HMG20B: variants seen among roughly 807,000 people sequenced by gnomAD.
The protein encoded by HMG20B is high mobility group 20B.
A neutral mutation model predicts 41.6 loss-of-function variants in HMG20B; 24 were observed. The observed-to-expected ratio is 0.58, with a 90% confidence interval of 0.42 to 0.81. The LOEUF is 0.81. HMG20B is among the 30% of genes least tolerant of loss of function. The pLI, the probability that HMG20B is intolerant of heterozygous loss-of-function variation, is 0.00. For missense variants in HMG20B, 461 were observed against 444.0 expected (o/e 1.04, Z -0.34); for synonymous variants, 251 against 186.6 (o/e 1.34, Z -2.81).
Position 3,574,529 on chromosome 19 carries a change from C to G in HMG20B, c.294C>G (p.Pro98=). The part of the protein sequence containing the change: ...IRTRHPDLPF[P]EITKMLGAEW... ...CGCGCCACCCGGATCTGCCCTTTCC[C>G]GAGATCACCAAGATGCTGGGCGCCG... The change falls in exon 4 of 10, where the codon CCC becomes CCG. Residue 98 remains proline (P), a synonymous_variant. Coordinates refer to ENST00000333651, the MANE Select transcript of HMG20B (RefSeq NM_006339.3). 1 of 1,606,030 alleles carries G rather than the reference C, an allele frequency of 6.2e-7. No individual in the cohort carries two copies. The highest frequency in any genetic ancestry group is 8.5e-7 in the Non-Finnish European group (1 of 1,177,542).
At chr19:3,577,728 C>T (rs990841481) in intron 8 of HMG20B, among the ~76,000 whole-genome samples, 3 of 149,204 alleles carry the variant, frequency 2.0e-5, no homozygotes, top group Non-Finnish European at 3.0e-5. Context: ...GACCTCGTTC[C>T]CTCCGTCCGT....
At position 3,575,430 on chromosome 19, in the gene HMG20B, G is replaced by C. The variant is rs888254482; in HGVS notation, c.352-110G>C. On this transcript the variant is annotated intron_variant, in intron 4 of 9. Coordinates refer to ENST00000333651, the MANE Select transcript of HMG20B (RefSeq NM_006339.3). ...TCTGTCTGCCTGGAGGGAATAGGGA[G>C]CTATAGAAGGTTCAGGAGAGGGGAG... The C allele has an allele frequency of 6.0e-6, 9 of 1,503,034 alleles. No homozygotes were observed. The African/African-American group carries it at 9.7e-5, about 16-fold the overall frequency. 93.1% of individuals were successfully genotyped at this position (1,503,034 alleles called of 1,614,324 possible). A position where few individuals can be genotyped will look rare whatever the true frequency, so the allele number is the denominator to read the frequency against.
At chr19:3,576,497 G>C in intron 6 of HMG20B, 56 bp from the exon 7 acceptor site, 1 of 1,519,636 alleles carries the variant, frequency 6.6e-7, no homozygotes. Context: ...GGCACACCCA[G>C]AGAGCGTGGC....
At chr19:3,577,265 A>C (rs2145258164) in intron 8 of HMG20B, 158 bp downstream of exon 8, 1 of 555,916 alleles carries the variant, frequency 1.8e-6, no homozygotes, top group Non-Finnish European at 3.0e-6. Context: ...CCCCGCCCTC[A>C]TCACCCCCAG....
At chr19:3,578,154 C>T (rs2032213942) in intron 9 of HMG20B, 41 bp downstream of exon 9, 4 of 1,593,050 alleles carry the variant, frequency 2.5e-6, no homozygotes, top group African/African-American at 1.3e-5. Flanking sequence ...GGGTTCAAGG[C>T]CCGGATGTGC....
At chr19:3,574,052 G>A in intron 3 of HMG20B, 1 of 655,818 alleles carries the variant, frequency 1.5e-6, no homozygotes. Context: ...CCTTGGGGGC[G>A]GCACCCTCCC....
chr19:3,577,219 G>A, intron 8 of HMG20B, 112 bp downstream of exon 8: 2 of 752,808 alleles, frequency 2.7e-6, no homozygotes, highest in East Asian at 3.0e-5. Flanking sequence ...CCATCGCCCC[G>A]TCCCCTCTTC....
chr19:3,578,242 GC>G, intron 9 of HMG20B, 129 bp downstream of exon 9: 6 of 1,357,262 alleles, frequency 4.4e-6, no homozygotes, highest in Non-Finnish European at 6.0e-6. Flanking sequence ...TCCCGGAGGG[GC>G]CTACCTGCGG....
At chr19:3,574,715 C>CA in intron 4 of HMG20B, 129 bp downstream of exon 4, 5 of 585,498 alleles carry the variant, frequency 8.5e-6, no homozygotes, top group South Asian at 2.2e-5. Flanking sequence ...CCATAACCAA[C>CA]TTTTTTTTTT....
At chr19:3,575,097 G>C (rs1053630024) in intron 4 of HMG20B, among the ~76,000 whole-genome samples, 1 of 152,210 alleles carries the variant, frequency 6.6e-6, no homozygotes. Context: ...ATATGTCTAA[G>C]AAGTCAGGAT....
At chr19:3,574,659 G>A (rs1484255455) in intron 4 of HMG20B, 73 bp downstream of exon 4, 9 of 1,341,550 alleles carry the variant, frequency 6.7e-6, no homozygotes, top group East Asian at 2.5e-5. Context: ...GACCCCCAAA[G>A]GATTCCACGT....
chr19:3,576,893 G>C lies in HMG20B; in HGVS notation c.594G>C (p.Ala198=). ...FTEEFLDQNK[A]REAELRRLRK... is the part of the protein sequence containing the mutation. The stretch of plus-strand genomic sequence containing the variant: ...TTGACCCCGCTCCCCCCGGCGCAGC[G>C]CGTGAGGCGGAGCTTCGGCGCTTGC... Residue 198 remains alanine, a splice_region_variant and synonymous_variant, in exon 8 of 10, where the codon GCG becomes GCC. Coordinates refer to ENST00000333651, the MANE Select transcript of HMG20B (RefSeq NM_006339.3). 6.4e-7 allele frequency: 1 copy of C among 1,567,484 alleles called. No individual in the cohort carries two copies. The highest frequency in any genetic ancestry group is 8.6e-7 in the Non-Finnish European group (1 of 1,157,918).
intron 3 of HMG20B, 62 bp downstream of exon 3, chr19:3,573,862 G>A: frequency 7.1e-7 from 1 of 1,418,256 alleles, no homozygotes; most frequent in Non-Finnish European, 9.7e-7. Context: ...TCGAAGCCCC[G>A]CCCCAGGCTG....
chr19:3,577,099 C>G lies in HMG20B; in HGVS notation c.800C>G (p.Pro267Arg), dbSNP rs1182283654. ...QALTASFASL[P>R]VPGTGETPTL... ...CTCACCGCCAGCTTCGCCTCACTGC[C>G]GGTGCCGGGTGCGGGCCACGCCCAT... The change falls in exon 8 of 10, where the codon CCG becomes CGG. Residue 267 changes from proline to arginine, a missense_variant. By Grantham distance (103) the Pro-to-Arg change is moderately radical (BLOSUM62 -2). Transcript: ENST00000333651. 5 of 1,532,794 alleles carry G rather than the reference C, an allele frequency of 3.3e-6. No individual in the cohort carries two copies. The highest frequency in any genetic ancestry group is 4.0e-5 in the Admixed American group (2 of 50,516). The allele number at this position is 1,532,794 out of a possible 1,614,324, so 94.9% of individuals were successfully genotyped here. A position where few individuals can be genotyped will look rare whatever the true frequency, so the allele number is the denominator to read the frequency against.
chr19:3,578,523 G>T lies in HMG20B; in HGVS notation c.*2G>T. 6.4e-7 allele frequency: 1 copy of T among 1,571,188 alleles called. No homozygotes were observed. The highest frequency in any genetic ancestry group is 2.3e-5 in the East Asian group (1 of 42,572). On this transcript the variant is annotated 3_prime_UTR_variant, in exon 10 of 10. Coordinates refer to ENST00000333651, the MANE Select transcript of HMG20B (RefSeq NM_006339.3). ...TCTCGTTTCAGCGAGCACCTGTGAGGAGTGGGCGGGCCCACGATGCAGAGG... is the reference window on the plus strand; with the variant it reads ...TCTCGTTTCAGCGAGCACCTGTGAGTAGTGGGCGGGCCCACGATGCAGAGG...
In HMG20B at chr19:3,578,892, C is replaced by T. The variant is rs774610597; in HGVS notation, c.*371C>T. Reference sequence around the variant, plus strand: ...AAATTACTCACTACGGGGGGCTGTGCCATAGGCCACACAGGAAGCTGCCTT... The same window carrying T: ...AAATTACTCACTACGGGGGGCTGTGTCATAGGCCACACAGGAAGCTGCCTT... On this transcript the variant is annotated 3_prime_UTR_variant, in exon 10 of 10. Coordinates refer to ENST00000333651, the MANE Select transcript of HMG20B (RefSeq NM_006339.3). 3 of 517,500 alleles carry T rather than the reference C, an allele frequency of 5.8e-6. 1 individual carries two copies. The highest frequency in any genetic ancestry group is 3.1e-5 in the South Asian group (2 of 64,888). The allele number at this position is 517,500 out of a possible 1,614,324, so 32.1% of individuals were successfully genotyped here. A position where few individuals can be genotyped will look rare whatever the true frequency, so the allele number is the denominator to read the frequency against.
chr19:3,576,200 G>T (rs531866633), intron 5 of HMG20B, 61 bp from the exon 6 acceptor site: 4 of 1,490,850 alleles, frequency 2.7e-6, no homozygotes, highest in East Asian at 4.5e-5. Flanking sequence ...CTGACCTAGG[G>T]TGCAGGGCGT....
intron 9 of HMG20B, 121 bp from the exon 10 acceptor site, chr19:3,578,388 T>C: frequency 7.3e-7 from 1 of 1,371,080 alleles, no homozygotes; most frequent in Non-Finnish European, 9.7e-7. Flanking sequence ...TCAACGCCTG[T>C]CCCCCAACCC....
intron 4 of HMG20B, 21 bp from the exon 5 acceptor site, chr19:3,575,519 C>T (rs963859455): frequency 1.9e-5 from 30 of 1,561,114 alleles, no homozygotes; most frequent in Non-Finnish European, 2.5e-5. Flanking sequence ...CTGCTTCAAG[C>T]CTTCTGGTGC....
Sources: gnomAD v4.1 joint callset for allele counts (sites outside exome capture counted in the v4.1 genomes callset) on GRCh38, gnomAD v4.1.1 for gene constraint, MANE v1.5 for transcripts, NCBI Gene and HGNC (gene_info 2026-07-23, HGNC 2026-07-21) for gene names.